Variants in NDUFAF6 observed in about 807,000 individuals in gnomAD.
The protein encoded by NDUFAF6 is NADH:ubiquinone oxidoreductase complex assembly factor 6.
Under a neutral mutation model 40.8 loss-of-function variants are expected in NDUFAF6, and 45 were observed. The ratio of observed to expected loss-of-function variants is 1.10; its 90% CI spans 0.87 to 1.42. NDUFAF6 has a LOEUF of 1.42. Ranked by LOEUF, NDUFAF6 falls within the 40% of genes most tolerant of loss-of-function variation. NDUFAF6 has a pLI of 0.00. For missense variants in NDUFAF6, 435 were observed against 418.5 expected (o/e 1.04, Z -0.34); for synonymous variants, 185 against 155.9 (o/e 1.19, Z -1.39).
At chr8:95,026,024 C>G (rs10113282) in intron 1 of NDUFAF6, among the ~76,000 whole-genome samples, 67,647 of 151,958 alleles carry the variant, frequency 0.45, 15,342 homozygotes, top group East Asian at 0.71. Context: ...AGTACTTGGT[C>G]TCAAGGACTT....
chr8:94,968,469 G>A (rs1824198418), intron 1 of NDUFAF6, among the ~76,000 whole-genome samples: 1 of 152,246 alleles, frequency 6.6e-6, no homozygotes, highest in Non-Finnish European at 1.5e-5. Context: ...AGCAAGCCAT[G>A]TGGGCATCTG....
chr8:94,999,952 C>CTA (rs201262953), intron 2 of NDUFAF6, among the ~76,000 whole-genome samples: 1,533 of 152,224 alleles, frequency 0.01, 27 homozygotes, highest in African/African-American at 0.035. Flanking sequence ...TGGCTCATAC[C>CTA]TAATCCCAGC....
At chr8:95,097,096 C>G (rs1298277778), upstream of NDUFAF6, among the ~76,000 whole-genome samples, 1 of 152,200 alleles carries the variant, frequency 6.6e-6, no homozygotes, top group Non-Finnish European at 1.5e-5. Flanking sequence ...CTCATTTGTA[C>G]GTTTTCATCT....
intron 1 of NDUFAF6, among the ~76,000 whole-genome samples, chr8:94,972,610 C>G (rs1012574258): frequency 4.6e-5 from 7 of 151,532 alleles, no homozygotes; most frequent in African/African-American, 1.5e-4. Flanking sequence ...AAATTAAGTA[C>G]AATTTAAAAA....
At chr8:95,088,842 C>T (rs1174108898) in intron 2 of NDUFAF6, among the ~76,000 whole-genome samples, 2 of 151,994 alleles carry the variant, frequency 1.3e-5, no homozygotes, top group African/African-American at 2.4e-5. Context: ...CTCACTGCAA[C>T]CTCCGCCTCC....
chr8:94,915,873 T>A (rs1056852037), intron 1 of NDUFAF6, among the ~76,000 whole-genome samples: 11 of 152,228 alleles, frequency 7.2e-5, no homozygotes, highest in African/African-American at 2.7e-4. Flanking sequence ...TAAGTGATAC[T>A]TGTACCAGAC....
At chr8:94,896,954 T>G (rs1184259792) in intron 1 of NDUFAF6, among the ~76,000 whole-genome samples, 1 of 152,166 alleles carries the variant, frequency 6.6e-6, no homozygotes, top group Non-Finnish European at 1.5e-5. Context: ...CAAGAAACTT[T>G]CTGCCATTTC....
chr8:95,117,215 G>T (rs1156279263), downstream of NDUFAF6, among the ~76,000 whole-genome samples: 1 of 152,168 alleles, frequency 6.6e-6, no homozygotes, highest in Non-Finnish European at 1.5e-5. Flanking sequence ...AGGAAAATTA[G>T]GGTGTTGTTT....
intron 2 of NDUFAF6, among the ~76,000 whole-genome samples, chr8:95,017,185 C>G (rs969877510): frequency 2.7e-5 from 4 of 149,522 alleles, no homozygotes; most frequent in Admixed American, 2.0e-4. Flanking sequence ...AGCTGATCTG[C>G]CTGCCTTGAC....
At chr8:95,080,726 T>C (rs1210396222), downstream of NDUFAF6, among the ~76,000 whole-genome samples, 1 of 152,182 alleles carries the variant, frequency 6.6e-6, no homozygotes, top group Non-Finnish European at 1.5e-5. Flanking sequence ...CCCGCTGGTC[T>C]CAAACTCCTG....
At chr8:94,932,133 T>G in intron 1 of NDUFAF6, 1 of 1,602,430 alleles carries the variant, frequency 6.2e-7, no homozygotes, top group Non-Finnish European at 8.5e-7. Flanking sequence ...GGTGAACTAT[T>G]AAATCACTAG....
At chr8:95,081,143 CTTTTTTTTTTTTTTTTTTTTTTTT>C (rs559573385), downstream of NDUFAF6, among the ~76,000 whole-genome samples, 2 of 57,712 alleles carry the variant, frequency 3.5e-5, no homozygotes, top group Non-Finnish European at 5.8e-5. Context: ...AGTCCTGCAT[CTTTTTTTTTTTTTTTTTTTTTTTT>C]TTTTTTTTTT....
chr8:94,902,750 C>A (rs1818111756), intron 1 of NDUFAF6, among the ~76,000 whole-genome samples: 1 of 141,242 alleles, frequency 7.1e-6, no homozygotes, highest in South Asian at 2.2e-4. Flanking sequence ...GGCTGGAGTG[C>A]AGGGGCACTG....
At chr8:95,036,542 G>A (rs1829527641) in intron 3 of NDUFAF6, 1 of 1,262,420 alleles carries the variant, frequency 7.9e-7, no homozygotes, top group Non-Finnish European at 1.0e-6. Flanking sequence ...ACTTCAAGAA[G>A]CTCAACCTAG....
chr8:95,089,665 G>A (rs1233661180), intron 2 of NDUFAF6, among the ~76,000 whole-genome samples: 1 of 152,034 alleles, frequency 6.6e-6, no homozygotes, highest in East Asian at 1.9e-4. Context: ...ACTAGGATAT[G>A]CCACAATTGG....
intron 2 of NDUFAF6, among the ~76,000 whole-genome samples, chr8:94,993,101 G>A (rs1006115305): frequency 2.0e-5 from 3 of 152,202 alleles, no homozygotes; most frequent in African/African-American, 7.2e-5. Flanking sequence ...TACTTCTGAA[G>A]CCTCTTTTCT....
At chr8:95,059,943 T>C (rs1832528088), downstream of NDUFAF6, among the ~76,000 whole-genome samples, 1 of 148,436 alleles carries the variant, frequency 6.7e-6, no homozygotes, top group African/African-American at 2.5e-5. Flanking sequence ...TCAGAGAGTC[T>C]TTGTTAGGGA....
In NDUFAF6 at chr8:94,934,142, A is replaced by G. The variant is rs373448115; in HGVS notation, c.-935-11341A>G. ...AGGTTAAAAGTTTATGTGTACGTAC[A>G]GGCACAGAAAAAAAAAAACACAATC... On this transcript the variant is annotated intron_variant, in intron 1 of 14. Transcript: ENST00000396113. Among the ~76,000 whole-genome samples the G allele has an allele frequency of 9.2e-3, 608 of 66,138 alleles. 4 individuals carry two copies. Among genetic ancestry groups the G allele is most frequent in the African/African-American group, 0.019 (549 of 29,380 alleles). The allele number at this position is 66,138 out of a possible 152,430, so 43.4% of individuals were successfully genotyped here. A position where few individuals can be genotyped will look rare whatever the true frequency, so the allele number is the denominator to read the frequency against.
chr8:94,938,695 G>A (rs1231123300), intron 1 of NDUFAF6, among the ~76,000 whole-genome samples: 1 of 152,266 alleles, frequency 6.6e-6, no homozygotes, highest in African/African-American at 2.4e-5. Context: ...AGCTGAACAT[G>A]TGGAGGTTCC....
Sources: gnomAD v4.1 joint callset for allele counts (sites outside exome capture counted in the v4.1 genomes callset) on GRCh38, gnomAD v4.1.1 for gene constraint, MANE v1.5 for transcripts, NCBI Gene and HGNC (gene_info 2026-07-23, HGNC 2026-07-21) for gene names.